ANKFN1: variants seen among roughly 807,000 people sequenced by gnomAD.
ANKFN1 encodes ankyrin repeat and fibronectin type III domain containing 1, also known as ankyrin repeat and fibronectin type-III domain-containing protein 1.
A neutral mutation model predicts 108.7 loss-of-function variants in ANKFN1; 74 were observed. The observed-to-expected ratio is 0.68, with a 90% CI of 0.56 to 0.83. The LOEUF is 0.83. Ranked by LOEUF, ANKFN1 falls within the 40% of genes least tolerant of loss-of-function variation. ANKFN1 has a pLI of 0.00. For synonymous variants in ANKFN1, 547 were observed against 516.2 expected, an observed-to-expected ratio of 1.06 and a Z score of -0.81; for missense variants, 1,505 against 1,382.3, an observed-to-expected ratio of 1.09 and a Z score of -1.41.
intron 6 of ANKFN1, among the ~76,000 whole-genome samples, chr17:56,364,648 C>A (rs190606003): frequency 1.2e-3 from 185 of 152,302 alleles, no homozygotes; most frequent in African/African-American, 4.0e-3. Flanking sequence ...CCATTTTCCC[C>A]TTTGAGTTTG....
chr17:56,356,448 C>T (rs1238813107), intron 6 of ANKFN1, among the ~76,000 whole-genome samples: 1 of 152,154 alleles, frequency 6.6e-6, no homozygotes, highest in Non-Finnish European at 1.5e-5. Flanking sequence ...AATTAGAGGT[C>T]ACATCTCTGC....
At chr17:56,262,000 C>T (rs2043524120) in intron 3 of ANKFN1, among the ~76,000 whole-genome samples, 1 of 152,212 alleles carries the variant, frequency 6.6e-6, no homozygotes, top group Admixed American at 6.5e-5. Flanking sequence ...AATCATTAGC[C>T]TAAGGGATCT....
intron 6 of ANKFN1, among the ~76,000 whole-genome samples, chr17:56,355,419 T>A (rs1338288496): frequency 6.6e-6 from 1 of 152,074 alleles, no homozygotes; most frequent in Non-Finnish European, 1.5e-5. Context: ...AAGACTGACA[T>A]ACTGGAGGAA....
intron 8 of ANKFN1, among the ~76,000 whole-genome samples, chr17:56,408,035 A>T (rs550356055): frequency 1.8e-4 from 27 of 150,044 alleles, no homozygotes; most frequent in Admixed American, 6.0e-4. Context: ...CCCGGGTTCA[A>T]GCGATTCTCT....
intron 3 of ANKFN1, among the ~76,000 whole-genome samples, chr17:56,308,582 T>A (rs2044914319): frequency 6.6e-6 from 1 of 152,148 alleles, no homozygotes; most frequent in East Asian, 1.9e-4. Context: ...TTGCTTACTA[T>A]TACTGACTAG....
intron 8 of ANKFN1, among the ~76,000 whole-genome samples, chr17:56,395,917 G>A (rs748762148): frequency 2.1e-4 from 32 of 152,122 alleles, no homozygotes; most frequent in African/African-American, 6.8e-4. Context: ...CAGACTCTGC[G>A]TCTAACTCAC....
At chr17:56,355,674 A>G (rs2046357755) in intron 6 of ANKFN1, among the ~76,000 whole-genome samples, 1 of 152,174 alleles carries the variant, frequency 6.6e-6, no homozygotes, top group Non-Finnish European at 1.5e-5. Context: ...TGAAATTGAG[A>G]AGACCAGTTA....
At chr17:56,102,040 T>G (rs1466526150) in intron 4 of ANKFN1, among the ~76,000 whole-genome samples, 2 of 152,192 alleles carry the variant, frequency 1.3e-5, no homozygotes, top group African/African-American at 4.8e-5. Flanking sequence ...GGGCAGAGAT[T>G]GCATTTATCA....
At chr17:56,405,107 T>A (rs1270904292) in intron 8 of ANKFN1, among the ~76,000 whole-genome samples, 3 of 152,224 alleles carry the variant, frequency 2.0e-5, no homozygotes, top group Non-Finnish European at 4.4e-5. Context: ...TTCTTAGCTC[T>A]GGTGGTTTAA....
chr17:56,144,156 GAAAAAAAAAAAA>G (rs59884444), intron 4 of ANKFN1, among the ~76,000 whole-genome samples: 3 of 40,552 alleles, frequency 7.4e-5, no homozygotes, highest in Admixed American at 6.2e-4. Context: ...AGGCGCATCT[GAAAAAAAAAAAA>G]AAAAAAAAAA....
intron 4 of ANKFN1, among the ~76,000 whole-genome samples, chr17:56,084,232 C>T (rs761498156): frequency 4.0e-5 from 6 of 151,288 alleles, no homozygotes; most frequent in Non-Finnish European, 8.9e-5. Flanking sequence ...CAAATGGCCA[C>T]CTCAGAGAGT....
chr17:56,367,434 A>G (rs924680276), intron 6 of ANKFN1, among the ~76,000 whole-genome samples: 1 of 151,952 alleles, frequency 6.6e-6, no homozygotes, highest in African/African-American at 2.4e-5. Flanking sequence ...TTGAACACAA[A>G]TTCCTGCCCC....
chr17:56,196,162 G>A (rs1913486325), intron 1 of ANKFN1, among the ~76,000 whole-genome samples: 1 of 152,042 alleles, frequency 6.6e-6, no homozygotes, highest in African/African-American at 2.4e-5. Flanking sequence ...CAGCTACTTG[G>A]GAGGATTGAC....
Position 56,457,908 on chromosome 17 carries a change from C to T in ANKFN1, c.1486C>T (p.Pro496Ser). 1 of 1,614,018 alleles carries T rather than the reference C, an allele frequency of 6.2e-7. No individual in the cohort carries two copies. Among genetic ancestry groups the T allele is most frequent in the Non-Finnish European group, 8.5e-7 (1 of 1,179,994 alleles). ...EDIRWLRQSI[P>S]ISSSSSTVLQ... Reference sequence around the variant, plus strand: ...TATAAGGTGGCTGAGGCAAAGCATACCAATATCCTCATCCTCATCCACAGT... The same window carrying T: ...TATAAGGTGGCTGAGGCAAAGCATATCAATATCCTCATCCTCATCCACAGT... Residue 496 changes from proline (P) to serine (S), a missense_variant, in exon 14 of 21, where the codon CCA becomes TCA. Pro to Ser is a moderately conservative substitution (Grantham distance 74, BLOSUM62 -1). Transcript: ENST00000682825.
At chr17:56,432,773 C>T (rs1334377923) in intron 8 of ANKFN1, among the ~76,000 whole-genome samples, 4 of 152,198 alleles carry the variant, frequency 2.6e-5, no homozygotes, top group African/African-American at 9.7e-5. Flanking sequence ...CTCACTGTGC[C>T]ACTCCTGTGT....
intron 3 of ANKFN1, among the ~76,000 whole-genome samples, chr17:56,292,907 A>G (rs2044402957): frequency 6.6e-6 from 1 of 152,190 alleles, no homozygotes; most frequent in Non-Finnish European, 1.5e-5. Flanking sequence ...TATAATTACA[A>G]TGTCTTTCCA....
intron 15 of ANKFN1, among the ~76,000 whole-genome samples, chr17:56,475,044 T>A (rs2050452380): frequency 6.6e-6 from 1 of 152,232 alleles, no homozygotes; most frequent in Non-Finnish European, 1.5e-5. Context: ...ACTATTCCCT[T>A]ATGTTCTGTT....
intron 3 of ANKFN1, among the ~76,000 whole-genome samples, chr17:56,233,509 C>A (rs139394671): frequency 1.7e-3 from 266 of 152,004 alleles, no homozygotes; most frequent in Non-Finnish European, 3.2e-3. Flanking sequence ...AACATTTTAC[C>A]TTTCTGTCTG....
intron 8 of ANKFN1, among the ~76,000 whole-genome samples, chr17:56,420,683 CTT>C (rs755355387): frequency 0.14 from 16,475 of 119,606 alleles, 1,267 homozygotes; most frequent in African/African-American, 0.31. Flanking sequence ...CTGACTCCTT[CTT>C]TTTTTTTTTT....
Sources: gnomAD v4.1 joint callset for allele counts (sites outside exome capture counted in the v4.1 genomes callset) on GRCh38, gnomAD v4.1.1 for gene constraint, MANE v1.5 for transcripts, NCBI Gene and HGNC (gene_info 2026-07-23, HGNC 2026-07-21) for gene names.